Variants in AKT3 observed in about 807,000 individuals in gnomAD.
The protein encoded by AKT3 is RAC-gamma serine/threonine-protein kinase.
In AKT3, 15 loss-of-function variants were observed where a neutral mutation model predicts 65.3. That is an observed-to-expected ratio of 0.23 (90% CI 0.15 to 0.35). The LOEUF is 0.35. AKT3 is among the 10% of genes least tolerant of loss of function. AKT3 has a pLI of 1.00. For missense variants in AKT3, 243 were observed against 576.5 expected (o/e 0.42, Z 5.92); for synonymous variants, 206 against 183.8 (o/e 1.12, Z -0.98).
intron 2 of AKT3, among the ~76,000 whole-genome samples, chr1:243,712,169 A>C (rs1023741117): frequency 1.3e-5 from 2 of 152,196 alleles, no homozygotes; most frequent in African/African-American, 4.8e-5. Context: ...CTACACACAA[A>C]TATGGATATA....
chr1:243,807,108 G>T (rs187854938), intron 2 of AKT3, among the ~76,000 whole-genome samples: 1 of 152,204 alleles, frequency 6.6e-6, no homozygotes, highest in African/African-American at 2.4e-5. Flanking sequence ...CAGTGTGAGC[G>T]ACACAGAAGA....
intron 3 of AKT3, among the ~76,000 whole-genome samples, chr1:243,692,353 C>A (rs1369024249): frequency 1.3e-5 from 2 of 152,126 alleles, no homozygotes; most frequent in African/African-American, 4.8e-5. Context: ...GACAAACAAG[C>A]CTTACTAAGT....
At chr1:243,624,212 C>T (rs1678981419) in intron 6 of AKT3, among the ~76,000 whole-genome samples, 2 of 152,138 alleles carry the variant, frequency 1.3e-5, no homozygotes, top group Admixed American at 6.5e-5. Context: ...TCACCAATGG[C>T]ATGAGACGGC....
intron 4 of AKT3, among the ~76,000 whole-genome samples, chr1:243,647,429 T>C (rs998607533): frequency 6.6e-6 from 1 of 152,204 alleles, no homozygotes; most frequent in Admixed American, 6.5e-5. Flanking sequence ...GGCTATACCA[T>C]CTAGGTTTGT....
chr1:243,498,335 ACTC>A (rs1222120539), downstream of AKT3, among the ~76,000 whole-genome samples: 3 of 151,914 alleles, frequency 2.0e-5, no homozygotes, highest in African/African-American at 7.3e-5. Context: ...CATGGGGTGG[ACTC>A]CTCATGGGCC....
At chr1:243,814,980 C>T (rs781720985) in intron 2 of AKT3, among the ~76,000 whole-genome samples, 3 of 152,128 alleles carry the variant, frequency 2.0e-5, no homozygotes, top group Non-Finnish European at 2.9e-5. Context: ...ACTTTAAAGT[C>T]ACAACTTCAA....
intron 2 of AKT3, among the ~76,000 whole-genome samples, chr1:243,717,411 C>T (rs1686580802): frequency 6.6e-6 from 1 of 152,038 alleles, no homozygotes; most frequent in Non-Finnish European, 1.5e-5. Flanking sequence ...AGGCTGGGTT[C>T]CAATGGTCAT....
intron 6 of AKT3, chr1:243,625,059 T>TCTGTCTCTAAAG: frequency 3.1e-6 from 1 of 326,082 alleles, no homozygotes; most frequent in East Asian, 8.1e-5. Context: ...TCCTCCACCC[T>TCTGTCTCTAAAG]TGCCCTTTCC....
At chr1:243,765,319 C>G (rs1476889887) in intron 2 of AKT3, among the ~76,000 whole-genome samples, 1 of 151,954 alleles carries the variant, frequency 6.6e-6, no homozygotes. Flanking sequence ...ATCTTCCTTA[C>G]CACCAAACTT....
chr1:243,686,251 A>ACT (rs1414781853), intron 3 of AKT3, among the ~76,000 whole-genome samples: 1 of 152,094 alleles, frequency 6.6e-6, no homozygotes, highest in African/African-American at 2.4e-5. Flanking sequence ...ATTAGGTGTT[A>ACT]CTTCTTTAGC....
At chr1:243,553,997 G>C (rs1673248904) in intron 10 of AKT3, among the ~76,000 whole-genome samples, 1 of 152,166 alleles carries the variant, frequency 6.6e-6, no homozygotes, top group Non-Finnish European at 1.5e-5. Flanking sequence ...TTACAAAGGA[G>C]AACATTTGAT....
intron 2 of AKT3, among the ~76,000 whole-genome samples, chr1:243,721,382 C>T (rs547306247): frequency 6.6e-6 from 1 of 152,228 alleles, no homozygotes; most frequent in South Asian, 2.1e-4. Context: ...AGATCATAAC[C>T]TTTTTGTCCA....
intron 2 of AKT3, among the ~76,000 whole-genome samples, chr1:243,758,651 G>C (rs1689293264): frequency 6.6e-6 from 1 of 152,190 alleles, no homozygotes; most frequent in Admixed American, 6.5e-5. Flanking sequence ...GTTCCACTCA[G>C]ATCATCAGGC....
intron 12 of AKT3, among the ~76,000 whole-genome samples, chr1:243,532,747 G>C (rs1671626923): frequency 6.6e-6 from 1 of 152,126 alleles, no homozygotes; most frequent in Non-Finnish European, 1.5e-5. Flanking sequence ...TTAAGTGTTG[G>C]GTAGACTTCC....
At chr1:243,560,653 G>A (rs1289010156) in intron 10 of AKT3, among the ~76,000 whole-genome samples, 1 of 151,948 alleles carries the variant, frequency 6.6e-6, no homozygotes, top group Non-Finnish European at 1.5e-5. Flanking sequence ...TATTAAAAAA[G>A]GTATACAGAA....
At position 243,535,166 on chromosome 1, in the gene AKT3, A is replaced by ATATTTAAAATTTTAAAAT. The variant is rs1156337722; in HGVS notation, c.1251+10326_1251+10343dup. 9.7e-5 allele frequency among the ~76,000 whole-genome samples: 12 copies of ATATTTAAAATTTTAAAAT among 124,328 alleles called. No individual in the cohort carries two copies. The East Asian group carries it at 2.2e-3, about 23-fold the overall frequency. 81.6% of individuals were successfully genotyped at this position (124,328 alleles called of 152,430 possible). On this transcript the variant is annotated intron_variant, in intron 12 of 13. Coordinates refer to ENST00000673466, the MANE Select transcript of AKT3 (RefSeq NM_005465.7). ...AAAATTTTAAAATATATTTTAAAAT[A>ATATTTAAAATTTTAAAAT]TATTTAAAATTTTAAAATAATTTTA...
chr1:243,489,281 T>C (rs1665789961), intron 13 of AKT3: 3 of 1,159,590 alleles, frequency 2.6e-6, no homozygotes, highest in Non-Finnish European at 3.7e-6. Context: ...AAGACTGTGC[T>C]GGGCACAGTG....
intron 2 of AKT3, among the ~76,000 whole-genome samples, chr1:243,795,976 CCT>C (rs992864327): frequency 7.2e-5 from 11 of 152,262 alleles, no homozygotes; most frequent in Middle Eastern, 3.4e-3. Flanking sequence ...GACCAGCTCC[CCT>C]GTTTTCAGCT....
At position 243,688,828 on chromosome 1, in the gene AKT3, T is replaced by TC. The variant is rs933697778; in HGVS notation, c.172+6762_172+6763insG. Among the ~76,000 whole-genome samples, 108 of 151,546 alleles carry TC rather than the reference T, an allele frequency of 7.1e-4. 1 individual carries two copies. The highest frequency in any genetic ancestry group is 1.3e-3 in the Admixed American group (20 of 15,180). On this transcript the variant is annotated intron_variant, in intron 3 of 13. Transcript: ENST00000673466. ...GATTACTAACTCTCTAATCTGAGCT[T>TC]TTTTTTTTCCTCCAGCATAAATTCT...
Sources: allele counts gnomAD v4.1 joint callset (sites outside exome capture counted in the v4.1 genomes callset), GRCh38; gene constraint gnomAD v4.1.1; transcripts MANE v1.5; gene names NCBI Gene and HGNC (gene_info 2026-07-23, HGNC 2026-07-21).